The following TENM3 variants were observed in gnomAD, a reference collection of about 807,000 sequenced individuals.
The protein encoded by TENM3 is teneurin transmembrane protein 3, also known as teneurin-3.
TENM3 carries 63 observed loss-of-function variants against 255.1 expected under a neutral mutation model. The ratio of observed to expected loss-of-function variants is 0.25; its 90% confidence interval spans 0.20 to 0.30. The LOEUF (loss-of-function observed/expected upper bound fraction) is 0.30. Ranked by LOEUF, TENM3 falls within the 10% of genes least tolerant of loss-of-function variation. TENM3 has a pLI of 1.00. For synonymous variants in TENM3, 1,306 were observed against 1,322.3 expected (o/e 0.99, Z 0.27); for missense variants, 2,929 against 3,461.1 (o/e 0.85, Z 3.86).
At chr4:181,841,379 T>G in the TENM3 span, among the ~76,000 whole-genome samples, 28 of 152,072 alleles carry the variant, frequency 1.8e-4, no homozygotes, top group Admixed American at 7.2e-4. Flanking sequence ...CTTGGAGAGG[T>G]AATTAAACAT....
chr4:182,270,722 C>T (rs1759560972), intron 1 of TENM3, among the ~76,000 whole-genome samples: 2 of 152,234 alleles, frequency 1.3e-5, no homozygotes, highest in Non-Finnish European at 2.9e-5. Flanking sequence ...TCAAAATTCT[C>T]ACTTTCAGGA....
At chr4:182,788,209 T>A (rs566813326) in intron 24 of TENM3, among the ~76,000 whole-genome samples, 1 of 152,328 alleles carries the variant, frequency 6.6e-6, no homozygotes, top group East Asian at 1.9e-4. Context: ...ACAAAGGTGC[T>A]GTAGAAGACC....
intron 1 of TENM3, among the ~76,000 whole-genome samples, chr4:182,298,032 A>C (rs1561294166): frequency 1.3e-5 from 2 of 152,212 alleles, no homozygotes. Context: ...CCAGGGGTGC[A>C]TCTTACGTTG....
At chr4:181,602,636 A>C in the TENM3 span, among the ~76,000 whole-genome samples, 28 of 152,222 alleles carry the variant, frequency 1.8e-4, no homozygotes, top group African/African-American at 6.3e-4. Flanking sequence ...TTAAGAAGAA[A>C]TAGGCAGGGA....
At position 182,729,145 on chromosome 4, in the gene TENM3, C is replaced by T. The variant is rs1408381230; in HGVS notation, c.2549C>T (p.Thr850Ile). The T allele has an allele frequency of 2.5e-6, 4 of 1,613,970 alleles. No individual in the cohort carries two copies. Among genetic ancestry groups the T allele is most frequent in the South Asian group, 1.1e-5 (1 of 91,084 alleles). Residue 850 changes from threonine (T) to isoleucine (I), a missense_variant, in exon 14 of 28, where the codon ACC becomes ATC. By Grantham distance (89) the Thr-to-Ile change is moderately conservative. Around this residue, in one of 6 missense-constraint regions of TENM3, gnomAD observed 1,608 missense variants for 1,884.4 expected, o/e 0.85. Coordinates refer to ENST00000511685, the MANE Select transcript of TENM3 (RefSeq NM_001080477.4). ...AGTTTCCTTATAGGATCTGATAGCA[C>T]CCATGTTATACCTGGAGAAAGTCCT... is the stretch of plus-strand genomic sequence containing the variant. ...RISFLIGSDS[T>I]HVIPGESPFN...
At chr4:181,929,829 C>G in the TENM3 span, among the ~76,000 whole-genome samples, 1 of 152,174 alleles carries the variant, frequency 6.6e-6, no homozygotes, top group Non-Finnish European at 1.5e-5. Context: ...ATAACAGTCT[C>G]TCAGACCACA....
intron 6 of TENM3, among the ~76,000 whole-genome samples, chr4:182,657,936 G>A (rs567110977): frequency 1.5e-4 from 23 of 152,318 alleles, no homozygotes; most frequent in African/African-American, 4.6e-4. Flanking sequence ...GATTATTGGC[G>A]TGAGCCACCT....
At chr4:182,036,275 C>G in the TENM3 span, among the ~76,000 whole-genome samples, 1 of 152,136 alleles carries the variant, frequency 6.6e-6, no homozygotes, top group South Asian at 2.1e-4. Context: ...ACTGCAACCT[C>G]CACCTCCCAG....
the TENM3 span, among the ~76,000 whole-genome samples, chr4:181,627,795 T>C: frequency 6.6e-6 from 1 of 152,180 alleles, no homozygotes; most frequent in Non-Finnish European, 1.5e-5. Context: ...GCAATAAACA[T>C]TAAGTGTGCA....
chr4:181,663,617 T>G, the TENM3 span, among the ~76,000 whole-genome samples: 2 of 152,166 alleles, frequency 1.3e-5, no homozygotes, highest in Non-Finnish European at 2.9e-5. Context: ...CTTAAAGAGC[T>G]GTAGATTTCA....
At chr4:182,421,940 C>T (rs1770869297) in intron 3 of TENM3, among the ~76,000 whole-genome samples, 1 of 152,108 alleles carries the variant, frequency 6.6e-6, no homozygotes, top group Non-Finnish European at 1.5e-5. Context: ...AGTCCCGGGG[C>T]CAGCTTTGCA....
the TENM3 span, among the ~76,000 whole-genome samples, chr4:181,518,646 C>T: frequency 6.6e-6 from 1 of 152,138 alleles, no homozygotes; most frequent in Non-Finnish European, 1.5e-5. Flanking sequence ...CCAGGCTGGT[C>T]TCGAACTCCT....
At chr4:182,625,630 A>G (rs1006435959) in intron 4 of TENM3, among the ~76,000 whole-genome samples, 9 of 152,200 alleles carry the variant, frequency 5.9e-5, no homozygotes, top group East Asian at 3.8e-4. Context: ...CTTGGCAAAG[A>G]TGATCATTTG....
the TENM3 span, among the ~76,000 whole-genome samples, chr4:181,853,047 G>A: frequency 6.6e-6 from 1 of 152,216 alleles, no homozygotes; most frequent in South Asian, 2.1e-4. Context: ...AGTTATCTCA[G>A]ACTAGCAAAG....
At chr4:182,676,711 T>A (rs1221755798) in intron 7 of TENM3, among the ~76,000 whole-genome samples, 1 of 152,228 alleles carries the variant, frequency 6.6e-6, no homozygotes, top group Non-Finnish European at 1.5e-5. Context: ...ACAACAAACA[T>A]GGGCAAACTT....
At chr4:182,714,961 C>T (rs931131813) in intron 13 of TENM3, among the ~76,000 whole-genome samples, 8 of 152,232 alleles carry the variant, frequency 5.3e-5, no homozygotes, top group Admixed American at 2.6e-4. Context: ...CTCAGCTCAC[C>T]GCAGCCTCCA....
chr4:182,071,506 C>A, the TENM3 span, among the ~76,000 whole-genome samples: 1 of 147,216 alleles, frequency 6.8e-6, no homozygotes. Flanking sequence ...AGTGCAGTGG[C>A]GCGATCTCGG....
At chr4:181,960,694 G>A in the TENM3 span, among the ~76,000 whole-genome samples, 5 of 152,048 alleles carry the variant, frequency 3.3e-5, no homozygotes, top group East Asian at 9.6e-4. Flanking sequence ...CTATAATTTT[G>A]TATACACTAT....
At position 182,292,606 on chromosome 4, in the gene TENM3, C is replaced by T. The variant is rs370400804; in HGVS notation, c.-75-31340C>T. Among the ~76,000 whole-genome samples the T allele has an allele frequency of 1.2e-4, 19 of 152,260 alleles. No homozygotes were observed. The East Asian group carries it at 3.3e-3, about 26-fold the overall frequency. ...CTTTGAGATCACAGATCCGCATGGT[C>T]GCGTGGGTAAATGCTTCATGCTTTG... On this transcript the variant is annotated intron_variant, in intron 1 of 27. Coordinates refer to ENST00000511685, the MANE Select transcript of TENM3 (RefSeq NM_001080477.4).
Sources: allele counts gnomAD v4.1 joint callset (sites outside exome capture counted in the v4.1 genomes callset), GRCh38; gene constraint gnomAD v4.1.1; regional missense constraint gnomAD v4.1.1; transcripts MANE v1.5; gene names NCBI Gene and HGNC (gene_info 2026-07-23, HGNC 2026-07-21).